CFAP20DC: variants seen among roughly 807,000 people sequenced by gnomAD.
CFAP20DC encodes CFAP20 domain containing, also known as protein CFAP20DC.
A neutral mutation model predicts 101.7 loss-of-function variants in CFAP20DC; 84 were observed. The observed-to-expected ratio is 0.83, with a 90% CI of 0.69 to 0.99. The LOEUF (loss-of-function observed/expected upper bound fraction) is 0.99. Among genes scored for constraint, CFAP20DC ranks in the 50% least tolerant of loss-of-function variants. The pLI is 0.00. For synonymous variants in CFAP20DC, 359 were observed against 351.2 expected, an observed-to-expected ratio of 1.02 and a Z score of -0.25; for missense variants, 1,007 against 970.3, an observed-to-expected ratio of 1.04 and a Z score of -0.50.
At chr3:58,739,687 T>C (rs1258684005), downstream of CFAP20DC, among the ~76,000 whole-genome samples, 1 of 152,234 alleles carries the variant, frequency 6.6e-6, no homozygotes, top group Non-Finnish European at 1.5e-5. Context: ...TTAGACTCTC[T>C]GGGTGTAGAA....
chr3:58,913,997 T>C lies in CFAP20DC; in HGVS notation c.394-133A>G, dbSNP rs1203238756. The stretch of plus-strand genomic sequence containing the variant: ...CAAGCCCCAAACTAATTTTCCTCTT[T>C]AGGTAAACTTATCTCTGTTTTGGCT... On this transcript the variant is annotated intron_variant, in intron 5 of 16. Transcript: ENST00000482387. The surrounding 1 kb of genome is among the most constrained non-coding windows in gnomAD (Gnocchi z 4.4). The C allele has an allele frequency of 1.2e-6, 1 of 863,372 alleles. No homozygotes were observed. 53.5% of individuals were successfully genotyped at this position (863,372 alleles called of 1,614,324 possible). A position where few individuals can be genotyped will look rare whatever the true frequency, so the allele number is the denominator to read the frequency against.
chr3:58,917,860 G>C (rs1290081333), intron 5 of CFAP20DC, among the ~76,000 whole-genome samples: 7 of 152,106 alleles, frequency 4.6e-5, no homozygotes, highest in Non-Finnish European at 8.8e-5. Flanking sequence ...GGAGAGGAGA[G>C]GAAGGAAAGC....
intron 4 of CFAP20DC, among the ~76,000 whole-genome samples, chr3:58,995,376 TAAAAA>T (rs35714840): frequency 6.9e-6 from 1 of 143,900 alleles, no homozygotes; most frequent in Admixed American, 6.9e-5. Context: ...AATATCTCAC[TAAAAA>T]AAAAAAAAAC....
At chr3:58,765,453 T>C (rs2070188378) in intron 15 of CFAP20DC, among the ~76,000 whole-genome samples, 1 of 114,660 alleles carries the variant, frequency 8.7e-6, no homozygotes, top group Non-Finnish European at 1.6e-5. Flanking sequence ...CATGGTCTGA[T>C]GGAGAACACA....
intron 4 of CFAP20DC, among the ~76,000 whole-genome samples, chr3:59,038,592 T>C (rs144829216): frequency 4.2e-4 from 64 of 152,318 alleles, no homozygotes; most frequent in African/African-American, 1.5e-3. Flanking sequence ...ACTTTGTGTC[T>C]GTAGGTCACA....
At chr3:58,827,542 C>T (rs1478441283) in intron 14 of CFAP20DC, among the ~76,000 whole-genome samples, 1 of 152,162 alleles carries the variant, frequency 6.6e-6, no homozygotes, top group Non-Finnish European at 1.5e-5. Flanking sequence ...CTGTCCCCTC[C>T]ACCACAGACT....
chr3:58,850,263 T>C lies in CFAP20DC; in HGVS notation c.1594-854A>G, dbSNP rs568600304. ...GTGTGATCACTGCATATACTTGTCA[T>C]GGTAGATTCTTCGAATTTGACTCAT... On this transcript the variant is annotated intron_variant, in intron 12 of 16. Coordinates refer to ENST00000482387, the MANE Select transcript of CFAP20DC (RefSeq NM_001394063.1). Among the ~76,000 whole-genome samples the C allele has an allele frequency of 2.0e-5, 3 of 152,266 alleles. No individual in the cohort carries two copies. The East Asian group carries it at 5.8e-4, about 29-fold the overall frequency.
intron 3 of CFAP20DC, among the ~76,000 whole-genome samples, chr3:58,730,982 C>T (rs937404071): frequency 2.0e-5 from 3 of 152,088 alleles, no homozygotes; most frequent in Non-Finnish European, 2.9e-5. Context: ...GCTCTTTTGC[C>T]TCTGCCATGA....
chr3:58,776,030 C>G (rs985052969), intron 15 of CFAP20DC, among the ~76,000 whole-genome samples: 2 of 152,246 alleles, frequency 1.3e-5, no homozygotes, highest in Middle Eastern at 3.4e-3. Flanking sequence ...GCGTGAGCCA[C>G]TGTGCCCAGC....
chr3:58,862,861 T>G (rs1347076270), intron 12 of CFAP20DC: 4 of 984,852 alleles, frequency 4.1e-6, no homozygotes, highest in Non-Finnish European at 4.8e-6. Context: ...CACGACTAAA[T>G]GCACTTCCTA....
In CFAP20DC at chr3:58,899,358, G is replaced by A. The variant is rs1348661930; in HGVS notation, c.550+14350C>T. 1.3e-5 allele frequency among the ~76,000 whole-genome samples: 2 copies of A among 152,208 alleles called. No homozygotes were observed. The highest frequency in any genetic ancestry group is 4.8e-5 in the African/African-American group (2 of 41,450). ...CTGGGGACTCGGTCCTTCTCAGGCAGACTCAAGCCTGCTGCTGCTGACTGG... is the reference window on the plus strand; with the variant it reads ...CTGGGGACTCGGTCCTTCTCAGGCAAACTCAAGCCTGCTGCTGCTGACTGG... On this transcript the variant is annotated intron_variant, in intron 6 of 16. Transcript: ENST00000482387. This position sits in a 1 kb window ranked among gnomAD's most constrained non-coding sequence, Gnocchi z 5.0.
rs923837216 is a variant in CFAP20DC at position 58,722,528 on chromosome 3, C to G, written c.198-4900G>C. Among the ~76,000 whole-genome samples the G allele has an allele frequency of 3.9e-5, 6 of 152,176 alleles. No individual in the cohort carries two copies. The highest frequency in any genetic ancestry group is 1.2e-4 in the African/African-American group (5 of 41,440). On this transcript the variant is annotated intron_variant, in intron 3 of 3. Transcript: ENST00000486145. The surrounding 1 kb of genome is among the most constrained non-coding windows in gnomAD (Gnocchi z 4.5). ...GTTCTGTTTAAAGGACTCTAATTCT[C>G]TCTCGTGATGGAGTAGAAACCTGAG...
In CFAP20DC at chr3:58,897,482, A is replaced by G. The variant is rs1468888889; in HGVS notation, c.551-12773T>C. Among the ~76,000 whole-genome samples, 1 of 152,120 alleles carries G rather than the reference A, an allele frequency of 6.6e-6. No homozygotes were observed. The highest frequency in any genetic ancestry group is 2.1e-4 in the South Asian group (1 of 4,826). On this transcript the variant is annotated intron_variant, in intron 6 of 16. Transcript: ENST00000482387. The surrounding 1 kb of genome is among the most constrained non-coding windows in gnomAD (Gnocchi z 4.4). ...TTACTGGGCTGTGTACTTCAGATAC[A>G]CTGTACTTCAGTGTGTTTTTGTAGT...
chr3:58,881,787 T>G (rs918617005), intron 7 of CFAP20DC, among the ~76,000 whole-genome samples: 2 of 152,150 alleles, frequency 1.3e-5, no homozygotes, highest in African/African-American at 4.8e-5. Context: ...GTGGGGAGTC[T>G]ACTTTTTAGA....
chr3:58,934,959 A>G (rs1413436842), intron 5 of CFAP20DC, among the ~76,000 whole-genome samples: 3 of 152,342 alleles, frequency 2.0e-5, no homozygotes, highest in East Asian at 1.9e-4. Flanking sequence ...GGGGTATTCC[A>G]TTAGGAAAAG....
chr3:58,816,308 C>A (rs1383751918), intron 14 of CFAP20DC, among the ~76,000 whole-genome samples: 3 of 152,154 alleles, frequency 2.0e-5, no homozygotes, highest in Admixed American at 6.5e-5. Flanking sequence ...CGAATAGGAA[C>A]AGCTCTGGTC....
At chr3:58,794,231 T>A in intron 15 of CFAP20DC, 1 of 396,280 alleles carries the variant, frequency 2.5e-6, no homozygotes, top group Non-Finnish European at 5.2e-6. Flanking sequence ...GAATATAGTT[T>A]TTTTTTCCCA....
rs2082987462 is a variant in CFAP20DC at position 58,899,770 on chromosome 3, C to T, written c.550+13938G>A. On this transcript the variant is annotated intron_variant, in intron 6 of 16. Transcript: ENST00000482387. This position sits in a 1 kb window ranked among gnomAD's most constrained non-coding sequence, Gnocchi z 5.0. ...ACTCCCGGATGGGCCATCACCCCAC[C>T]CTGCTTTTTTTCCATTCTCTGCAGG... is the stretch of plus-strand genomic sequence containing the variant. Among the ~76,000 whole-genome samples the T allele has an allele frequency of 6.6e-6, 1 of 152,102 alleles. No individual in the cohort carries two copies.
At position 58,717,604 on chromosome 3, in the gene CFAP20DC, G is replaced by A. The variant is rs907802660; in HGVS notation, c.224C>T (p.Ala75Val). The A allele has an allele frequency of 2.4e-5, 11 of 453,032 alleles. No homozygotes were observed. Among genetic ancestry groups the A allele is most frequent in the Non-Finnish European group, 4.9e-5 (11 of 226,058 alleles). 28.1% of individuals were successfully genotyped at this position (453,032 alleles called of 1,614,324 possible). ...GTTTTGCCTTCACAGTTGCAAAATG[G>A]CTGTAGCACTTCCAGACATTTCTTC... The change falls in exon 4 of 4, where the codon GCC becomes GTC. Residue 75 changes from alanine to valine, a missense_variant. Coordinates refer to the CFAP20DC transcript ENST00000486145. This position sits in a 1 kb window ranked among gnomAD's most constrained non-coding sequence, Gnocchi z 4.1.
Sources: allele counts gnomAD v4.1 joint callset (sites outside exome capture counted in the v4.1 genomes callset), GRCh38; gene constraint gnomAD v4.1.1; non-coding constraint Gnocchi (gnomAD v3.1); transcripts MANE v1.5; gene names NCBI Gene and HGNC (gene_info 2026-07-23, HGNC 2026-07-21).